Variants in EPS15L1 observed in about 807,000 individuals in gnomAD.
EPS15L1 encodes the protein epidermal growth factor receptor pathway substrate 15 like 1, also known as epidermal growth factor receptor substrate 15-like 1.
A neutral mutation model predicts 117.1 loss-of-function variants in EPS15L1; 43 were observed. The observed-to-expected ratio is 0.37, with a 90% confidence interval of 0.29 to 0.47. EPS15L1 has a LOEUF of 0.47. Among genes scored for constraint, EPS15L1 ranks in the 20% least tolerant of loss-of-function variants. The probability of loss-of-function intolerance (pLI) is 0.99; values close to 1 mark genes in which losing one functional copy is unlikely to be tolerated. For missense variants in EPS15L1, 981 were observed against 1,164.0 expected, an observed-to-expected ratio of 0.84 and a Z score of 2.29; for synonymous variants, 459 against 470.5, an observed-to-expected ratio of 0.98 and a Z score of 0.32.
rs537934919 is a variant in EPS15L1 at position 16,424,892 on chromosome 19, A to C, written c.792+191T>G. On this transcript the variant is annotated intron_variant, in intron 9 of 23. Coordinates refer to ENST00000455140, the MANE Select transcript of EPS15L1 (RefSeq NM_001258374.3). ...TGGCCAGGATGGTCTTGATCTCCTAACCTTGAGATCTGCCCACCTCGGCCT... is the reference window on the plus strand; with the variant it reads ...TGGCCAGGATGGTCTTGATCTCCTACCCTTGAGATCTGCCCACCTCGGCCT... Among the ~76,000 whole-genome samples, 21 of 152,014 alleles carry C rather than the reference A, an allele frequency of 1.4e-4. No individual in the cohort carries two copies. In the South Asian group the frequency reaches 4.4e-3, roughly 32 times the overall value.
chr19:16,419,062 T>G (rs1156252797), intron 10 of EPS15L1, among the ~76,000 whole-genome samples: 1 of 152,186 alleles, frequency 6.6e-6, no homozygotes, highest in Non-Finnish European at 1.5e-5. Context: ...CCTGCCCACA[T>G]AGCTCTTGGA....
At chr19:16,416,434 G>C (rs934272726) in intron 12 of EPS15L1, among the ~76,000 whole-genome samples, 1 of 152,122 alleles carries the variant, frequency 6.6e-6, no homozygotes, top group Non-Finnish European at 1.5e-5. Flanking sequence ...TCAGGAGTTC[G>C]AGACCAGCCT....
At chr19:16,433,123 T>TTTTTTG (rs532672602) in intron 7 of EPS15L1, among the ~76,000 whole-genome samples, 193 of 148,588 alleles carry the variant, frequency 1.3e-3, no homozygotes, top group African/African-American at 4.6e-3. Context: ...ATTGAGGGTT[T>TTTTTTG]TTTTTGTTTT....
chr19:16,419,819 C>T (rs1040790795), intron 10 of EPS15L1, among the ~76,000 whole-genome samples: 1 of 152,256 alleles, frequency 6.6e-6, no homozygotes, highest in Non-Finnish European at 1.5e-5. Flanking sequence ...CCAGTCTGCC[C>T]CTGCGGGCCC....
chr19:16,368,204 A>G (rs1454765285), intron 22 of EPS15L1, among the ~76,000 whole-genome samples: 1 of 152,218 alleles, frequency 6.6e-6, no homozygotes, highest in Admixed American at 6.5e-5. Flanking sequence ...CACTCATCCT[A>G]CACAACTGTG....
chr19:16,452,443 T>A (rs559801619), intron 1 of EPS15L1, among the ~76,000 whole-genome samples: 1 of 143,154 alleles, frequency 7.0e-6, no homozygotes, highest in African/African-American at 2.6e-5. Flanking sequence ...TGAAATTCCA[T>A]CTCGAAAAAA....
At position 16,365,761 on chromosome 19, in the gene EPS15L1, C is replaced by G. The variant is rs985858272; in HGVS notation, c.2381-3777G>C. ...CCTCACCACTCTGCTTCCCGTGGCACTGGCCTCTGGCACGGCTGAGGGTCA... is the reference window on the plus strand; with the variant it reads ...CCTCACCACTCTGCTTCCCGTGGCAGTGGCCTCTGGCACGGCTGAGGGTCA... On this transcript the variant is annotated intron_variant, in intron 22 of 23. Transcript: ENST00000455140. This position sits in a 1 kb window ranked among gnomAD's most constrained non-coding sequence, Gnocchi z 4.9. Among the ~76,000 whole-genome samples, 1 of 152,248 alleles carries G rather than the reference C, an allele frequency of 6.6e-6. No homozygotes were observed. Among genetic ancestry groups the G allele is most frequent in the Non-Finnish European group, 1.5e-5 (1 of 68,042 alleles).
rs190491840 is a variant in EPS15L1, at chr19:16,438,876, A to G, written c.214-1011T>C. On this transcript the variant is annotated intron_variant, in intron 4 of 23. Transcript: ENST00000455140. The stretch of plus-strand genomic sequence containing the variant: ...AATACACACGGTTGGTCAGAAACTC[A>G]TATCTGTGGTTCACCACGATCCCCT... Among the ~76,000 whole-genome samples the G allele has an allele frequency of 4.6e-5, 7 of 151,942 alleles. No homozygotes were observed. The East Asian group carries it at 5.8e-4, about 13-fold the overall frequency.
chr19:16,445,641 T>C (rs143671746), intron 1 of EPS15L1, among the ~76,000 whole-genome samples: 8 of 152,324 alleles, frequency 5.3e-5, no homozygotes, highest in African/African-American at 1.7e-4. Flanking sequence ...CACTGGCCCC[T>C]GTGCAGAGAC....
At chr19:16,451,630 G>A (rs370497219) in intron 1 of EPS15L1, among the ~76,000 whole-genome samples, 3 of 151,746 alleles carry the variant, frequency 2.0e-5, no homozygotes, top group East Asian at 2.0e-4. Flanking sequence ...CCGGGTTCAC[G>A]CCATTCTCCT....
At chr19:16,380,565 A>T (rs1489264595) in intron 21 of EPS15L1, among the ~76,000 whole-genome samples, 5 of 152,126 alleles carry the variant, frequency 3.3e-5, no homozygotes, top group South Asian at 2.1e-4. Flanking sequence ...TGGCCATCTA[A>T]GGCTCCAGGG....
At position 16,421,196 on chromosome 19, in the gene EPS15L1, G is replaced by A. The variant is rs1480336934; in HGVS notation, c.950+123C>T. On this transcript the variant is annotated intron_variant, in intron 10 of 23. Transcript: ENST00000455140. ...TGTCAGGCCAGGGAGAATAAAGGAC[G>A]CCAGACACAGCGGAAGCCTGTGACA... 1.7e-5 allele frequency: 19 copies of A among 1,117,462 alleles called. 1 individual carries two copies. In the South Asian group the frequency reaches 2.3e-4, roughly 14 times the overall value. 69.2% of individuals were successfully genotyped at this position (1,117,462 alleles called of 1,614,324 possible). A position where few individuals can be genotyped will look rare whatever the true frequency, so the allele number is the denominator to read the frequency against.
At chr19:16,367,328 C>T (rs2092147246) in intron 22 of EPS15L1, among the ~76,000 whole-genome samples, 1 of 151,622 alleles carries the variant, frequency 6.6e-6, no homozygotes. Context: ...CGCAGGGAGA[C>T]TTCATTAACA....
At chr19:16,406,332 G>A (rs1599593312) in intron 13 of EPS15L1, among the ~76,000 whole-genome samples, 1 of 152,192 alleles carries the variant, frequency 6.6e-6, no homozygotes, top group Non-Finnish European at 1.5e-5. Flanking sequence ...ATGTTCGACA[G>A]GAAACTCAGG....
chr19:16,417,450 G>A lies in EPS15L1; in HGVS notation c.1193+102C>T, dbSNP rs2092768763. ...CTTTTCCTTCCTTCTGAATAAACCT[G>A]TGATGAGCAAACTTCCAGGTGAGCC... On this transcript the variant is annotated intron_variant, in intron 12 of 23. Coordinates refer to ENST00000455140, the MANE Select transcript of EPS15L1 (RefSeq NM_001258374.3). The A allele has an allele frequency of 7.2e-6, 7 of 970,692 alleles. No individual in the cohort carries two copies. The South Asian group carries it at 9.6e-5, about 13-fold the overall frequency. The allele number at this position is 970,692 out of a possible 1,614,324, so 60.1% of individuals were successfully genotyped here.
chr19:16,404,997 G>C lies in EPS15L1; in HGVS notation c.1267-248C>G, dbSNP rs973830495. 2.6e-5 allele frequency among the ~76,000 whole-genome samples: 4 copies of C among 152,250 alleles called. No homozygotes were observed. Among genetic ancestry groups the C allele is most frequent in the Admixed American group, 6.5e-5 (1 of 15,292 alleles). On this transcript the variant is annotated intron_variant, in intron 13 of 23. Transcript: ENST00000455140. This position sits in a 1 kb window ranked among gnomAD's most constrained non-coding sequence, Gnocchi z 4.2. ...ATGGCCTAACAGAGGCCAGGTGCGAGAGAAGGGGCTGGGTCCCTGTGAGAA... is the reference window on the plus strand; with the variant it reads ...ATGGCCTAACAGAGGCCAGGTGCGACAGAAGGGGCTGGGTCCCTGTGAGAA...
intron 22 of EPS15L1, among the ~76,000 whole-genome samples, chr19:16,367,988 T>A (rs111555379): frequency 2.1e-3 from 283 of 132,872 alleles, no homozygotes; most frequent in African/African-American, 6.2e-3. Context: ...AGAGAGAGTG[T>A]GTGTGTGTGT....
chr19:16,401,870 C>T (rs994111204), intron 16 of EPS15L1: 9 of 988,450 alleles, frequency 9.1e-6, no homozygotes, highest in Non-Finnish European at 1.1e-5. Context: ...TCTTTAGCAA[C>T]ACATTTGCTT....
intron 23 of EPS15L1, 68 bp from the exon 24 acceptor site, chr19:16,355,919 AGG>A: frequency 4.0e-6 from 6 of 1,509,118 alleles, no homozygotes; most frequent in Non-Finnish European, 5.3e-6. Context: ...GGAGGGAGGC[AGG>A]GAATGCGTGG....
Sources: allele counts gnomAD v4.1 joint callset (sites outside exome capture counted in the v4.1 genomes callset), GRCh38; gene constraint gnomAD v4.1.1; non-coding constraint Gnocchi (gnomAD v3.1); transcripts MANE v1.5; gene names NCBI Gene and HGNC (gene_info 2026-07-23, HGNC 2026-07-21).